Variants in RIMS2 observed in about 807,000 individuals in gnomAD.
RIMS2 encodes the protein regulating synaptic membrane exocytosis 2.
RIMS2 carries 59 observed loss-of-function variants against 174.4 expected under a neutral mutation model. That is an observed-to-expected ratio of 0.34 (90% CI 0.27 to 0.42). The LOEUF (loss-of-function observed/expected upper bound fraction) is 0.42, where lower values mean the gene tolerates loss of function less well. RIMS2 is among the 10% of genes least tolerant of loss of function. The probability of loss-of-function intolerance (pLI) is 1.00; values close to 1 mark genes in which losing one functional copy is unlikely to be tolerated. For synonymous variants in RIMS2, 606 were observed against 572.5 expected (o/e 1.06, Z -0.84); for missense variants, 1,620 against 1,666.3 (o/e 0.97, Z 0.48).
chr8:103,891,900 T>A (rs1200188521), intron 4 of RIMS2, among the ~76,000 whole-genome samples: 2 of 151,908 alleles, frequency 1.3e-5, no homozygotes, highest in African/African-American at 4.8e-5. Flanking sequence ...TTTAAGCTTT[T>A]AAAACAAACC....
intron 15 of RIMS2, among the ~76,000 whole-genome samples, chr8:103,967,173 T>TTTTTTTG (rs2092088624): frequency 1.4e-5 from 1 of 73,396 alleles, no homozygotes; most frequent in African/African-American, 4.7e-5. Flanking sequence ...TGTTCTTGTT[T>TTTTTTTG]TTTTTTTTTT....
chr8:103,817,591 G>A (rs1190341283), intron 3 of RIMS2, among the ~76,000 whole-genome samples: 8 of 152,126 alleles, frequency 5.3e-5, no homozygotes, highest in Admixed American at 4.6e-4. Flanking sequence ...GACCAGCCTG[G>A]CCAGTATGGT....
chr8:104,043,201 GA>G (rs67234265), intron 19 of RIMS2, among the ~76,000 whole-genome samples: 38,012 of 150,810 alleles, frequency 0.25, 5,117 homozygotes, highest in African/African-American at 0.35. Context: ...AGATGGAAAA[GA>G]AAAAAATGAA....
At chr8:104,063,484 G>T (rs985173744) in intron 19 of RIMS2, among the ~76,000 whole-genome samples, 2 of 152,064 alleles carry the variant, frequency 1.3e-5, no homozygotes, top group Non-Finnish European at 2.9e-5. Flanking sequence ...TTAACCTGAG[G>T]TTGAATATTT....
At chr8:103,841,344 A>C (rs2098938606) in intron 3 of RIMS2, among the ~76,000 whole-genome samples, 1 of 151,890 alleles carries the variant, frequency 6.6e-6, no homozygotes, top group African/African-American at 2.4e-5. Flanking sequence ...ATGTTTCCCT[A>C]CTTTCTCTCT....
intron 3 of RIMS2, among the ~76,000 whole-genome samples, chr8:103,789,027 C>T (rs947999954): frequency 7.2e-5 from 11 of 152,292 alleles, no homozygotes; most frequent in African/African-American, 2.2e-4. Context: ...GGGAGTGACC[C>T]GATTTTCCAG....
chr8:103,643,826 C>T (rs1050728038), intron 1 of RIMS2, among the ~76,000 whole-genome samples: 8 of 151,936 alleles, frequency 5.3e-5, no homozygotes, highest in Admixed American at 2.0e-4. Context: ...AGTTTCCTTT[C>T]CCTACATTGA....
intron 1 of RIMS2, among the ~76,000 whole-genome samples, chr8:103,604,474 C>A (rs911796793): frequency 1.3e-4 from 20 of 152,092 alleles, no homozygotes; most frequent in Admixed American, 1.1e-3. Flanking sequence ...ATTGACTTGG[C>A]AACGCGGGCT....
intron 19 of RIMS2, among the ~76,000 whole-genome samples, chr8:104,039,623 C>A (rs577061325): frequency 6.6e-6 from 1 of 151,798 alleles, no homozygotes; most frequent in South Asian, 2.1e-4. Flanking sequence ...ATACCAATTT[C>A]ATTTTTACTT....
intron 3 of RIMS2, among the ~76,000 whole-genome samples, chr8:103,796,202 A>G (rs2098549000): frequency 6.6e-6 from 1 of 152,132 alleles, no homozygotes; most frequent in Non-Finnish European, 1.5e-5. Context: ...GTGATATTAA[A>G]GTGTAGATAT....
In RIMS2 at chr8:103,791,205, A is replaced by C. The variant is rs1341931895; in HGVS notation, c.698+24668A>C. On this transcript the variant is annotated intron_variant, in intron 3 of 23. Coordinates refer to ENST00000504942, the Ensembl canonical transcript of RIMS2. ...GGTTACCCACAAAGGGAGGCCCATCAGATTAACAGCAGATCTCTTTGCAGA... is the reference window on the plus strand; with the variant it reads ...GGTTACCCACAAAGGGAGGCCCATCCGATTAACAGCAGATCTCTTTGCAGA... Among the ~76,000 whole-genome samples the C allele has an allele frequency of 1.4e-3, 214 of 152,236 alleles. 3 individuals are homozygous for C. The highest frequency in any genetic ancestry group is 7.3e-5 in the Non-Finnish European group (5 of 68,034).
At chr8:103,816,733 T>C (rs989363977) in intron 3 of RIMS2, among the ~76,000 whole-genome samples, 1 of 152,136 alleles carries the variant, frequency 6.6e-6, no homozygotes, top group African/African-American at 2.4e-5. Context: ...AGCATGGGTG[T>C]AGTATAGTGA....
chr8:103,759,706 G>C (rs1221667441), intron 2 of RIMS2, among the ~76,000 whole-genome samples: 2 of 152,152 alleles, frequency 1.3e-5, no homozygotes, highest in Non-Finnish European at 2.9e-5. Flanking sequence ...TATAGTGAGG[G>C]ATGAGATGAC....
intron 19 of RIMS2, among the ~76,000 whole-genome samples, chr8:104,191,083 T>C (rs900034828): frequency 2.0e-5 from 3 of 152,062 alleles, no homozygotes; most frequent in African/African-American, 7.2e-5. Flanking sequence ...CATTATACAT[T>C]TTTGGAGTCT....
At chr8:103,656,940 C>G (rs781547467) in intron 1 of RIMS2, among the ~76,000 whole-genome samples, 14 of 152,080 alleles carry the variant, frequency 9.2e-5, no homozygotes, top group African/African-American at 1.2e-4. Context: ...AAGTGAAGAT[C>G]AGAGAAAAGT....
At chr8:103,992,326 A>G (rs754046220) in intron 17 of RIMS2, among the ~76,000 whole-genome samples, 2 of 126,938 alleles carry the variant, frequency 1.6e-5, no homozygotes, top group South Asian at 2.4e-4. Context: ...GGGTTTCGCC[A>G]TGTTGGCCAG....
At position 103,639,569 on chromosome 8, in the gene RIMS2, T is replaced by G. The variant is rs2096178105; in HGVS notation, c.177-57517T>G. ...CTTATGTAGCTTTTTAGTTCTCAAT[T>G]CTTCCTCTTAGCAAAATACATTTGA... is the stretch of plus-strand genomic sequence containing the variant. On this transcript the variant is annotated intron_variant, in intron 1 of 23. Coordinates refer to ENST00000504942, the Ensembl canonical transcript of RIMS2. Among the ~76,000 whole-genome samples the G allele has an allele frequency of 2.6e-5, 4 of 151,998 alleles. No individual in the cohort carries two copies. The South Asian group carries it at 8.3e-4, about 31-fold the overall frequency.
intron 3 of RIMS2, among the ~76,000 whole-genome samples, chr8:103,769,674 C>G (rs1592009003): frequency 6.6e-6 from 1 of 152,144 alleles, no homozygotes; most frequent in African/African-American, 2.4e-5. Flanking sequence ...AAATAAAAAT[C>G]TTATATTCTT....
chr8:103,884,510 G>A (rs905554305), intron 3 of RIMS2, among the ~76,000 whole-genome samples: 1 of 151,808 alleles, frequency 6.6e-6, no homozygotes. Context: ...AGTGTTAGAA[G>A]GGTAAGTTGA....
Sources: allele counts gnomAD v4.1 joint callset (sites outside exome capture counted in the v4.1 genomes callset), GRCh38; gene constraint gnomAD v4.1.1; transcripts MANE v1.5; gene names NCBI Gene and HGNC (gene_info 2026-07-23, HGNC 2026-07-21).